USP40: variants seen among roughly 807,000 people sequenced by gnomAD.
USP40 encodes ubiquitin carboxyl-terminal hydrolase 40.
Under a neutral mutation model 166.2 loss-of-function variants are expected in USP40, and 143 were observed. The observed-to-expected ratio is 0.86, with a 90% confidence interval of 0.75 to 0.99. The LOEUF (loss-of-function observed/expected upper bound fraction) is 0.99, where lower values mean the gene tolerates loss of function less well. USP40 is among the 50% of genes least tolerant of loss of function. The pLI is 0.00. For missense variants in USP40, 1,444 were observed against 1,479.7 expected, an observed-to-expected ratio of 0.98 and a Z score of 0.40; for synonymous variants, 498 against 524.0, an observed-to-expected ratio of 0.95 and a Z score of 0.68.
intron 4 of USP40, among the ~76,000 whole-genome samples, chr2:233,557,301 T>C (rs1368754057): frequency 1.3e-5 from 2 of 152,210 alleles, no homozygotes; most frequent in African/African-American, 4.8e-5. Context: ...ACCACACACA[T>C]GGCCATGCCA....
At chr2:233,499,397 T>A (rs1024453682) in intron 22 of USP40, among the ~76,000 whole-genome samples, 19 of 152,230 alleles carry the variant, frequency 1.2e-4, no homozygotes, top group African/African-American at 4.6e-4. Flanking sequence ...ATTTTCTTTA[T>A]CCAGTCTATT....
chr2:233,527,688 G>GT, intron 12 of USP40, 110 bp from the exon 13 acceptor site: 1 of 1,030,236 alleles, frequency 9.7e-7, no homozygotes. Flanking sequence ...TCCCACCAAA[G>GT]TAACAATTTT....
At chr2:233,555,785 C>T (rs2071023967) in intron 5 of USP40, among the ~76,000 whole-genome samples, 2 of 151,776 alleles carry the variant, frequency 1.3e-5, no homozygotes, top group Admixed American at 1.3e-4. Context: ...TTTATATACA[C>T]ATCTATTTTC....
In USP40 at chr2:233,554,540, GAATAT is replaced by G; in HGVS notation, c.547-19_547-15del. ...TAAGAAGTCTTCCTGAAATAGACAT[GAATAT>G]AATATTGAAAAACAATTTCAGAGGT... On this transcript the variant is annotated splice_polypyrimidine_tract_variant and intron_variant, in intron 5 of 31. Coordinates refer to ENST00000678225, the MANE Select transcript of USP40 (RefSeq NM_001365479.2). 15 of 1,588,210 alleles carry G rather than the reference GAATAT, an allele frequency of 9.4e-6. No individual in the cohort carries two copies. The highest frequency in any genetic ancestry group is 5.4e-5 in the African/African-American group (4 of 73,514).
intron 24 of USP40, among the ~76,000 whole-genome samples, chr2:233,495,289 TG>T (rs1201216290): frequency 6.6e-6 from 1 of 151,966 alleles, no homozygotes; most frequent in Non-Finnish European, 1.5e-5. Flanking sequence ...ATATATGCTA[TG>T]TATATACACA....
At chr2:233,497,466 G>A (rs543452214) in intron 23 of USP40, among the ~76,000 whole-genome samples, 3 of 152,170 alleles carry the variant, frequency 2.0e-5, no homozygotes, top group Admixed American at 6.5e-5. Flanking sequence ...CTGGAGCCAA[G>A]CATGGGAATG....
intron 21 of USP40, among the ~76,000 whole-genome samples, chr2:233,503,548 T>C (rs558976955): frequency 1.7e-3 from 256 of 152,280 alleles, no homozygotes; most frequent in Non-Finnish European, 2.6e-3. Context: ...TTAAGTCACA[T>C]ATAAGGAAAT....
intron 27 of USP40, 35 bp downstream of exon 27, chr2:233,489,330 G>A: frequency 6.5e-7 from 1 of 1,531,886 alleles, no homozygotes; most frequent in East Asian, 2.4e-5. Flanking sequence ...GTCAGCAGCA[G>A]AGAGGGACAG....
chr2:233,542,183 G>A (rs548382957), intron 9 of USP40, 85 bp downstream of exon 9: 159 of 625,896 alleles, frequency 2.5e-4, no homozygotes, highest in Non-Finnish European at 3.3e-4. Context: ...CAATTAAACC[G>A]CATACATTCT....
In USP40 at chr2:233,493,593, T is replaced by G. The variant is rs1351532969; in HGVS notation, c.2791-42A>C. On this transcript the variant is annotated intron_variant, in intron 24 of 31. Transcript: ENST00000678225. The surrounding 1 kb of genome is among the most constrained non-coding windows in gnomAD (Gnocchi z 4.7). ...GTTTAACTGCTGTGATTACAAAGAT[T>G]AAGTGAAACTCTACTTTTACTTCCA... 1 of 1,550,960 alleles carries G rather than the reference T, an allele frequency of 6.4e-7. No individual in the cohort carries two copies. Among genetic ancestry groups the G allele is most frequent in the African/African-American group, 1.4e-5 (1 of 73,324 alleles).
rs1219540683 is a variant in USP40 at position 233,493,497 on chromosome 2, A to C, written c.2845T>G (p.Trp949Gly). Residue 949 changes from tryptophan to glycine, a missense_variant, in exon 25 of 32, where the codon TGG becomes GGG. By Grantham distance (184) the Trp-to-Gly change is radical. Coordinates refer to ENST00000678225, the MANE Select transcript of USP40 (RefSeq NM_001365479.2). The surrounding 1 kb of genome is among the most constrained non-coding windows in gnomAD (Gnocchi z 4.7). ...WYQLQGPSGHWESHQDQTNCT... is the reference protein window; with the variant it reads ...WYQLQGPSGHGESHQDQTNCT... ...TTGGTCTGGTCCTGATGACTCTCCC[A>C]GTGTCCTGAGGGACCCTGAAGCTGG... 6.2e-7 allele frequency: 1 copy of C among 1,613,708 alleles called. No individual in the cohort carries two copies. Among genetic ancestry groups the C allele is most frequent in the Non-Finnish European group, 8.5e-7 (1 of 1,179,846 alleles).
At chr2:233,487,838 T>C (rs1389684464) in intron 28 of USP40, 7 of 420,766 alleles carry the variant, frequency 1.7e-5, no homozygotes, top group Non-Finnish European at 3.4e-5. Context: ...AATAAATCAG[T>C]AAGTACAGAT....
At chr2:233,539,908 C>A (rs2069241791) in intron 10 of USP40, among the ~76,000 whole-genome samples, 1 of 151,898 alleles carries the variant, frequency 6.6e-6, no homozygotes, top group African/African-American at 2.4e-5. Context: ...GATGGCCAGG[C>A]AGATCACTTG....
At chr2:233,483,882 T>C (rs541444299) in intron 30 of USP40, among the ~76,000 whole-genome samples, 6 of 152,338 alleles carry the variant, frequency 3.9e-5, no homozygotes, top group African/African-American at 9.6e-5. Flanking sequence ...TTTTCCTACA[T>C]AGATAACTAA....
intron 21 of USP40, among the ~76,000 whole-genome samples, chr2:233,503,565 T>A (rs1183385384): frequency 6.6e-6 from 1 of 152,108 alleles, no homozygotes. Flanking sequence ...AAATCCCCAG[T>A]AGACTATCAG....
At chr2:233,477,557 G>C in intron 31 of USP40, 54 bp from the exon 32 acceptor site, 1 of 1,513,406 alleles carries the variant, frequency 6.6e-7, no homozygotes, top group Non-Finnish European at 9.1e-7. Context: ...GTGTCAGGGT[G>C]AGGGGTTCAC....
intron 3 of USP40, 41 bp from the exon 4 acceptor site, chr2:233,559,965 G>C: frequency 6.8e-7 from 1 of 1,473,668 alleles, no homozygotes; most frequent in Non-Finnish European, 9.3e-7. Context: ...AATTCTTTAA[G>C]TGTTGACTAA....
chr2:233,541,958 CA>C (rs1259279679), intron 9 of USP40, among the ~76,000 whole-genome samples: 2 of 152,088 alleles, frequency 1.3e-5, no homozygotes, highest in Admixed American at 1.3e-4. Flanking sequence ...AAACAGAATG[CA>C]AAGAATATAT....
At chr2:233,477,550 T>C (rs2125005695) in intron 31 of USP40, 47 bp from the exon 32 acceptor site, 1 of 1,545,590 alleles carries the variant, frequency 6.5e-7, no homozygotes, top group Non-Finnish European at 8.9e-7. Context: ...GCAGTGGGTG[T>C]CAGGGTGAGG....
Sources: allele counts gnomAD v4.1 joint callset (sites outside exome capture counted in the v4.1 genomes callset), GRCh38; gene constraint gnomAD v4.1.1; non-coding constraint Gnocchi (gnomAD v3.1); transcripts MANE v1.5; gene names NCBI Gene and HGNC (gene_info 2026-07-23, HGNC 2026-07-21).